Variants in STRA8 observed in about 807,000 individuals in gnomAD.
STRA8 encodes the protein stimulated by retinoic acid gene 8 protein homolog.
Under a neutral mutation model 37.1 loss-of-function variants are expected in STRA8, and 18 were observed. The observed-to-expected ratio is 0.48, with a 90% CI of 0.34 to 0.72. STRA8 has a LOEUF of 0.72. Ranked by LOEUF, STRA8 falls within the 30% of genes least tolerant of loss-of-function variation. The pLI is 0.01. For synonymous variants in STRA8, 168 were observed against 162.9 expected (o/e 1.03, Z -0.24); for missense variants, 357 against 410.4 (o/e 0.87, Z 1.13).
chr7:135,247,675 C>T (rs751111105), intron 6 of STRA8, among the ~76,000 whole-genome samples: 2 of 152,232 alleles, frequency 1.3e-5, no homozygotes, highest in Non-Finnish European at 1.5e-5. Context: ...CCGTCAGTTC[C>T]CACCCCAAAG....
At chr7:135,258,260 C>T (rs1791805936) in intron 8 of STRA8, among the ~76,000 whole-genome samples, 158 bp from the exon 9 acceptor site, 1 of 152,110 alleles carries the variant, frequency 6.6e-6, no homozygotes, top group Admixed American at 6.5e-5. Context: ...CCTTAGAGCC[C>T]TTGCTTCCTG....
Position 135,243,411 on chromosome 7 carries a change from G to T in STRA8, c.353+1G>T. ...CCAGCATGTATTCTGGAAATGACAG[G>T]TAAGACACCACAAACCCCAGGAAGC... On this transcript the variant is annotated splice_donor_variant, in intron 4 of 8. Coordinates refer to ENST00000662584, the MANE Select transcript of STRA8 (RefSeq NM_001394401.1). LOFTEE classifies it high-confidence loss of function. The T allele has an allele frequency of 6.2e-7, 1 of 1,613,916 alleles. No individual in the cohort carries two copies. Among genetic ancestry groups the T allele is most frequent in the Non-Finnish European group, 8.5e-7 (1 of 1,179,880 alleles).
At position 135,240,684 on chromosome 7, in the gene STRA8, G is replaced by A. The variant is rs1475181144; in HGVS notation, c.160G>A (p.Val54Met). Residue 54 changes from valine (V) to methionine (M), a missense_variant, in exon 2 of 9, where the codon GTG (valine) becomes ATG (methionine). Coordinates refer to ENST00000662584, the MANE Select transcript of STRA8 (RefSeq NM_001394401.1). ...AALFNNLRKT[V>M]YSQSDLIASK... ...GCTCTTCAACAACCTCAGGAAGACAGTGTACTCTCAGTCTGATCTCATAGC... is the reference window on the plus strand; with the variant it reads ...GCTCTTCAACAACCTCAGGAAGACAATGTACTCTCAGTCTGATCTCATAGC... 1 of 1,614,016 alleles carries A rather than the reference G, an allele frequency of 6.2e-7. No individual in the cohort carries two copies. Among genetic ancestry groups the A allele is most frequent in the Non-Finnish European group, 8.5e-7 (1 of 1,179,950 alleles).
At chr7:135,254,719 C>A (rs189795836) in intron 7 of STRA8, among the ~76,000 whole-genome samples, 5 of 152,324 alleles carry the variant, frequency 3.3e-5, no homozygotes, top group Admixed American at 3.3e-4. Flanking sequence ...CCACGTTAGA[C>A]CCACTGAGCA....
Position 135,258,546 on chromosome 7 carries a change from G to A in STRA8, c.*54G>A. 6.8e-7 allele frequency: 1 copy of A among 1,478,508 alleles called. No homozygotes were observed. The highest frequency in any genetic ancestry group is 2.0e-5 in the Admixed American group (1 of 50,678). 91.6% of individuals were successfully genotyped at this position (1,478,508 alleles called of 1,614,324 possible). A position where few individuals can be genotyped will look rare whatever the true frequency, so the allele number is the denominator to read the frequency against. On this transcript the variant is annotated 3_prime_UTR_variant, in exon 9 of 9. Transcript: ENST00000662584. ...CTGAATGAGGTGGGCAGTTCCCAAG[G>A]TTGAATGCTGGCAGCTAAGGTTGCA...
intron 7 of STRA8, among the ~76,000 whole-genome samples, chr7:135,254,431 A>G (rs1832677690): frequency 6.6e-6 from 1 of 152,194 alleles, no homozygotes; most frequent in Non-Finnish European, 1.5e-5. Flanking sequence ...AGCCCTTTGA[A>G]GCAGGGTCCA....
chr7:135,239,340 G>A (rs940983397), intron 1 of STRA8, among the ~76,000 whole-genome samples: 1 of 152,200 alleles, frequency 6.6e-6, no homozygotes, highest in Non-Finnish European at 1.5e-5. Flanking sequence ...TTTCAAGGCA[G>A]GGCCTGGGCA....
At position 135,243,319 on chromosome 7, in the gene STRA8, C is replaced by A; in HGVS notation, c.269-7C>A. 6.2e-7 allele frequency: 1 copy of A among 1,614,008 alleles called. No homozygotes were observed. Among genetic ancestry groups the A allele is most frequent in the Non-Finnish European group, 8.5e-7 (1 of 1,179,918 alleles). On this transcript the variant is annotated splice_region_variant and splice_polypyrimidine_tract_variant and intron_variant, in intron 3 of 8. Transcript: ENST00000662584. ...CTTTGTGTTCCTGGTCTTCAACTCC[C>A]CAATAGCATCCTTCAACCTGGAAGA...
chr7:135,254,737 C>T (rs937670511), intron 7 of STRA8, among the ~76,000 whole-genome samples: 1 of 152,222 alleles, frequency 6.6e-6, no homozygotes, highest in Middle Eastern at 3.2e-3. Flanking sequence ...GCAGTGGCAA[C>T]TCAGTGAACT....
At position 135,246,440 on chromosome 7, in the gene STRA8, C is replaced by A. The variant is rs1377186574; in HGVS notation, c.617C>A (p.Thr206Lys). 6.2e-7 allele frequency: 1 copy of A among 1,603,354 alleles called. No individual in the cohort carries two copies. The highest frequency in any genetic ancestry group is 2.2e-5 in the East Asian group (1 of 44,510). ...FERYLNFYKQTMDLLTGSGII... is the reference protein window; with the variant it reads ...FERYLNFYKQKMDLLTGSGII... ...AGGTATCTCAACTTTTACAAACAGA[C>A]GATGGACCTTCTGACTGGCAGCGGG... The change falls in exon 6 of 9, where the codon ACG becomes AAG. Residue 206 changes from threonine to lysine, a missense_variant. Physicochemically the swap from Thr to Lys is moderately conservative, Grantham distance 78. Transcript: ENST00000662584. This position sits in a 1 kb window ranked among gnomAD's most constrained non-coding sequence, Gnocchi z 5.4.
chr7:135,236,024 C>A (rs1832371623), intron 1 of STRA8, among the ~76,000 whole-genome samples: 1 of 151,888 alleles, frequency 6.6e-6, no homozygotes, highest in South Asian at 2.1e-4. Context: ...ATTACTTGAG[C>A]CTAGGAGTTT....
rs1213143436 is a variant in STRA8 at position 135,246,362 on chromosome 7, G to A, written c.594-55G>A. On this transcript the variant is annotated intron_variant, in intron 5 of 8. Transcript: ENST00000662584. The surrounding 1 kb of genome is among the most constrained non-coding windows in gnomAD (Gnocchi z 5.4). ...GGGTCCACACCATGAACCGAATCCC[G>A]AATCGCTTCGAGAGGGAGCTTTAGG... 7.0e-6 allele frequency: 11 copies of A among 1,561,058 alleles called. No homozygotes were observed. Among genetic ancestry groups the A allele is most frequent in the South Asian group, 1.2e-5 (1 of 84,550 alleles).
At chr7:135,255,050 G>T in intron 7 of STRA8, 64 bp from the exon 8 acceptor site, 2 of 1,298,894 alleles carry the variant, frequency 1.5e-6, no homozygotes, top group Non-Finnish European at 1.1e-6. Flanking sequence ...CAGGGGAGGG[G>T]GAAGCAGAGT....
intron 7 of STRA8, among the ~76,000 whole-genome samples, chr7:135,253,610 A>C (rs1381181848): frequency 6.6e-6 from 1 of 152,204 alleles, no homozygotes; most frequent in Admixed American, 6.5e-5. Flanking sequence ...TGACCCCATG[A>C]AGTGGGAAGA....
chr7:135,239,670 GC>G (rs1197946688), intron 1 of STRA8, among the ~76,000 whole-genome samples: 2 of 152,110 alleles, frequency 1.3e-5, no homozygotes, highest in Non-Finnish European at 2.9e-5. Flanking sequence ...AAAGGCCCTG[GC>G]CCCTGTATCT....
chr7:135,236,853 T>C (rs1832385605), intron 1 of STRA8, among the ~76,000 whole-genome samples: 3 of 152,132 alleles, frequency 2.0e-5, no homozygotes. Context: ...GAATTCTTAG[T>C]GGTTTTAGTG....
upstream of STRA8, among the ~76,000 whole-genome samples, chr7:135,233,194 C>T (rs1470206206): frequency 6.6e-6 from 1 of 152,170 alleles, no homozygotes; most frequent in Non-Finnish European, 1.5e-5. Flanking sequence ...CTTCCTACTA[C>T]CCAGAGTGAA....
rs758715040 is a variant in STRA8 at position 135,255,234 on chromosome 7, G to C, written c.1065+9G>C. The C allele has an allele frequency of 6.2e-7, 1 of 1,606,432 alleles. No homozygotes were observed. Among genetic ancestry groups the C allele is most frequent in the Non-Finnish European group, 8.5e-7 (1 of 1,173,238 alleles). On this transcript the variant is annotated intron_variant, in intron 8 of 8. Transcript: ENST00000662584. The stretch of plus-strand genomic sequence containing the variant: ...ACACTCAAGTAAAGCAGGTAGGATG[G>C]AGTAGAGGGCCGTGGTACCTCTGCC...
chr7:135,255,269 T>A (rs767252185), intron 8 of STRA8, 44 bp downstream of exon 8: 3 of 1,502,120 alleles, frequency 2.0e-6, no homozygotes, highest in South Asian at 1.1e-5. Flanking sequence ...CCACCTTGCT[T>A]AGATAGCAAA....
Sources: gnomAD v4.1 joint callset for allele counts (sites outside exome capture counted in the v4.1 genomes callset) on GRCh38, gnomAD v4.1.1 for gene constraint, Gnocchi (gnomAD v3.1) non-coding constraint, MANE v1.5 for transcripts, NCBI Gene and HGNC (gene_info 2026-07-23, HGNC 2026-07-21) for gene names.